The following GAPVD1 variants were observed in gnomAD, a reference collection of about 807,000 sequenced individuals.
GAPVD1 encodes the protein GTPase activating protein and VPS9 domains 1, also known as GTPase-activating protein and VPS9 domain-containing protein 1.
A neutral mutation model predicts 155.5 loss-of-function variants in GAPVD1; 35 were observed. The observed-to-expected ratio is 0.23, with a 90% confidence interval of 0.17 to 0.30. The LOEUF is 0.30. Among genes scored for constraint, GAPVD1 ranks in the 10% least tolerant of loss-of-function variants. The pLI is 1.00. For synonymous variants in GAPVD1, 636 were observed against 619.7 expected (o/e 1.03, Z -0.39); for missense variants, 1,429 against 1,775.7 (o/e 0.80, Z 3.51).
chr9:125,362,510 G>A (rs1851091390), intron 27 of GAPVD1, 96 bp from the exon 28 acceptor site: 1 of 996,792 alleles, frequency 1.0e-6, no homozygotes, highest in Admixed American at 2.4e-5. Flanking sequence ...GGATTGGTAT[G>A]TCTTTCATAG....
chr9:125,346,681 C>A, intron 19 of GAPVD1, 138 bp from the exon 20 acceptor site: 1 of 753,110 alleles, frequency 1.3e-6, no homozygotes, highest in Non-Finnish European at 2.4e-6. Flanking sequence ...TGCATGGTGC[C>A]TCTTAACATT....
chr9:125,306,235 C>T (rs550216198), intron 6 of GAPVD1, among the ~76,000 whole-genome samples: 1 of 151,978 alleles, frequency 6.6e-6, no homozygotes, highest in Non-Finnish European at 1.5e-5. Flanking sequence ...GTGATCTCGG[C>T]TCACTGTTAA....
intron 15 of GAPVD1, among the ~76,000 whole-genome samples, chr9:125,335,985 T>A (rs1320292219): frequency 6.6e-6 from 1 of 151,652 alleles, no homozygotes. Flanking sequence ...AGACCCTGTC[T>A]CTACAAAAAA....
In GAPVD1 at chr9:125,302,548, G is replaced by A. The variant is rs181982027; in HGVS notation, c.751G>A (p.Val251Met). The part of the protein sequence containing the change: ...DRFRQKVQEM[V>M]ESNEAKLVAL... ...ATTCAGGCAAAAAGTTCAAGAAATG[G>A]TGGAGTCCAATGAAGCAAAGCTAGT... The change falls in exon 5 of 28, where the codon GTG becomes ATG. Residue 251 changes from valine (V) to methionine (M), a missense_variant. Around this residue, in one of 4 missense-constraint regions of GAPVD1, gnomAD observed 628 missense variants for 733.4 expected, o/e 0.86. Transcript: ENST00000297933. 2 of 1,613,860 alleles carry A rather than the reference G, an allele frequency of 1.2e-6. No homozygotes were observed. The highest frequency in any genetic ancestry group is 2.7e-5 in the African/African-American group (2 of 75,042).
Position 125,331,975 on chromosome 9 carries a change from T to C in GAPVD1, c.2223T>C (p.Cys741=), listed in dbSNP as rs751014964. 6.2e-7 allele frequency: 1 copy of C among 1,613,972 alleles called. No individual in the cohort carries two copies. Among genetic ancestry groups the C allele is most frequent in the Admixed American group, 1.7e-5 (1 of 60,006 alleles). ...QEERLQELES[C]SGLGSTSDDT... ...AGCGTCTGCAAGAACTGGAGAGCTG[T>C]TCTGGACTGGGTAGCACATCTGATG... The change falls in exon 14 of 28, where the codon TGT becomes TGC. Residue 741 remains cysteine (C), a synonymous_variant. Transcript: ENST00000297933.
intron 2 of GAPVD1, among the ~76,000 whole-genome samples, chr9:125,278,292 C>T (rs943704615): frequency 2.7e-5 from 4 of 146,704 alleles, no homozygotes; most frequent in Admixed American, 6.8e-5. Context: ...AGGCCTAGTC[C>T]GGCGGATCAC....
At chr9:125,317,266 CA>C (rs1843571757) in intron 9 of GAPVD1, among the ~76,000 whole-genome samples, 1 of 148,468 alleles carries the variant, frequency 6.7e-6, no homozygotes, top group Non-Finnish European at 1.5e-5. Context: ...TGCAGTGAGC[CA>C]AGATTGCGCC....
chr9:125,300,718 A>T (rs537959241), intron 4 of GAPVD1, among the ~76,000 whole-genome samples: 1 of 152,038 alleles, frequency 6.6e-6, no homozygotes, highest in African/African-American at 2.4e-5. Flanking sequence ...CTGAGTGGTG[A>T]TTACTGGGTG....
In GAPVD1 at chr9:125,268,194, ACC is replaced by A. The variant is rs34598150; in HGVS notation, c.-198-732_-198-731del. On this transcript the variant is annotated intron_variant, in intron 1 of 27. Coordinates refer to ENST00000297933, the MANE Select transcript of GAPVD1 (RefSeq NM_001282680.3). ...AAAAACAACAACAAACAAACAAACA[ACC>A]CCCCCCCCCAAAAAAAAACCAAGAA... Among the ~76,000 whole-genome samples, 489 of 112,462 alleles carry A rather than the reference ACC, an allele frequency of 4.3e-3. 5 individuals carry two copies. The highest frequency in any genetic ancestry group is 5.3e-3 in the South Asian group (16 of 3,002). 73.8% of individuals were successfully genotyped at this position (112,462 alleles called of 152,430 possible).
chr9:125,352,403 C>T (rs768065965), intron 23 of GAPVD1, among the ~76,000 whole-genome samples: 1 of 152,260 alleles, frequency 6.6e-6, no homozygotes, highest in Non-Finnish European at 1.5e-5. Flanking sequence ...TTCTTGACTT[C>T]TGTGCACCCA....
rs1851398601 is a variant in GAPVD1 at position 125,365,247 on chromosome 9, G to A, written c.*2501G>A. 6.6e-6 allele frequency: 1 copy of A among 152,160 alleles called. No homozygotes were observed. The highest frequency in any genetic ancestry group is 2.4e-5 in the African/African-American group (1 of 41,416). 9.4% of individuals were successfully genotyped at this position (152,160 alleles called of 1,614,324 possible). ...GGTTTCCTCTGAAAATCTGTCAGGA[G>A]CAAGGACTACTTTGGCATTAACCAT... On this transcript the variant is annotated 3_prime_UTR_variant, in exon 28 of 28. Transcript: ENST00000297933.
chr9:125,286,228 T>G (rs1405941107), intron 2 of GAPVD1, among the ~76,000 whole-genome samples: 1 of 152,152 alleles, frequency 6.6e-6, no homozygotes, highest in African/African-American at 2.4e-5. Flanking sequence ...ATCCTTCCAC[T>G]TCAGCCTCCC....
rs192928565 is a variant in GAPVD1, at chr9:125,311,061, A to G, written c.1442-1391A>G. ...TCACCATGTTGGCCAGGCTGGTCTC[A>G]AACTCCCGACCTCAGGTGATCCACC... On this transcript the variant is annotated intron_variant, in intron 8 of 27. Coordinates refer to ENST00000297933, the MANE Select transcript of GAPVD1 (RefSeq NM_001282680.3). Among the ~76,000 whole-genome samples the G allele has an allele frequency of 2.5e-3, 369 of 146,548 alleles. 4 individuals are homozygous for G. Among genetic ancestry groups the G allele is most frequent in the African/African-American group, 8.2e-3 (326 of 39,546 alleles).
chr9:125,280,167 C>T (rs906048001), intron 2 of GAPVD1, among the ~76,000 whole-genome samples: 2 of 150,806 alleles, frequency 1.3e-5, no homozygotes, highest in African/African-American at 2.4e-5. Flanking sequence ...GACTCCAAGG[C>T]GGGTGGCTCA....
intron 1 of GAPVD1, among the ~76,000 whole-genome samples, chr9:125,268,495 G>GTTT (rs911483935): frequency 3.7e-4 from 33 of 89,130 alleles, no homozygotes; most frequent in African/African-American, 4.8e-4. Flanking sequence ...CCCTAACATT[G>GTTT]TTTTTTTTTT....
chr9:125,299,800 C>T (rs1426004101), intron 4 of GAPVD1, among the ~76,000 whole-genome samples: 3 of 149,568 alleles, frequency 2.0e-5, no homozygotes, highest in Non-Finnish European at 4.4e-5. Flanking sequence ...GTGGGTGGAT[C>T]ACGAGGTCAG....
chr9:125,320,237 A>T (rs1325224922), intron 9 of GAPVD1, among the ~76,000 whole-genome samples: 1 of 152,234 alleles, frequency 6.6e-6, no homozygotes, highest in African/African-American at 2.4e-5. Context: ...GGTGTACCTA[A>T]AACATGCTAT....
At chr9:125,329,233 G>C (rs927465858) in intron 12 of GAPVD1, among the ~76,000 whole-genome samples, 7 of 152,202 alleles carry the variant, frequency 4.6e-5, no homozygotes, top group African/African-American at 1.7e-4. Context: ...GCAATAAGCT[G>C]TATTTGCAGT....
intron 2 of GAPVD1, among the ~76,000 whole-genome samples, chr9:125,272,376 G>A (rs1835059853): frequency 6.6e-6 from 1 of 152,086 alleles, no homozygotes; most frequent in Non-Finnish European, 1.5e-5. Flanking sequence ...AACTCCTTTG[G>A]AACCCGAGGA....
Sources: gnomAD v4.1 joint callset for allele counts (sites outside exome capture counted in the v4.1 genomes callset) on GRCh38, gnomAD v4.1.1 for gene constraint, gnomAD v4.1.1 regional missense constraint, MANE v1.5 for transcripts, NCBI Gene and HGNC (gene_info 2026-07-23, HGNC 2026-07-21) for gene names.